ZMIZ1: variants seen among roughly 807,000 people sequenced by gnomAD.
ZMIZ1 encodes zinc finger MIZ domain-containing protein 1.
Under a neutral mutation model 113.9 loss-of-function variants are expected in ZMIZ1, and 17 were observed. That is an observed-to-expected ratio of 0.15 (90% CI 0.10 to 0.22). The LOEUF (loss-of-function observed/expected upper bound fraction) is 0.22, where lower values mean the gene tolerates loss of function less well. Ranked by LOEUF, ZMIZ1 falls within the 10% of genes least tolerant of loss-of-function variation. The pLI is 1.00. For missense variants in ZMIZ1, 1,059 were observed against 1,477.8 expected (o/e 0.72, Z 4.65); for synonymous variants, 607 against 603.1 (o/e 1.01, Z -0.09).
At chr10:79,251,279 C>T (rs1331255241) in intron 7 of ZMIZ1, among the ~76,000 whole-genome samples, 3 of 152,156 alleles carry the variant, frequency 2.0e-5, no homozygotes, top group Non-Finnish European at 4.4e-5. Context: ...ATCTGTAGAA[C>T]CGGAGACTAG....
rs1589595133 is a variant in ZMIZ1, at chr10:79,298,465, A to C, written c.1551A>C (p.Thr517=). Residue 517 remains threonine (T), a synonymous_variant, in exon 15 of 25, where the codon ACA becomes ACC. Coordinates refer to ENST00000334512, the MANE Select transcript of ZMIZ1 (RefSeq NM_020338.4). ...ACTCACCTGTTCCAGGGAACCCCAC[A>C]CCCCCCATGACCCCTGGGAGCAGCA... ...YPHSPVPGNP[T]PPMTPGSSIP... 1 of 1,602,442 alleles carries C rather than the reference A, an allele frequency of 6.2e-7. No individual in the cohort carries two copies.
chr10:79,129,873 G>A (rs1349920536), intron 2 of ZMIZ1, among the ~76,000 whole-genome samples: 1 of 152,258 alleles, frequency 6.6e-6, no homozygotes, highest in Non-Finnish European at 1.5e-5. Flanking sequence ...TCAGCAGGGG[G>A]ACAGAGCGGA....
At chr10:79,294,946 G>GA (rs1413492197) in intron 12 of ZMIZ1, 2 of 146,746 alleles carry the variant, frequency 1.4e-5, no homozygotes, top group Admixed American at 1.4e-4. Flanking sequence ...AGAGAGAGGG[G>GA]GGGGGGTCAG....
chr10:79,099,462 GC>G (rs1257627648), intron 1 of ZMIZ1, among the ~76,000 whole-genome samples: 1 of 152,190 alleles, frequency 6.6e-6, no homozygotes, highest in Non-Finnish European at 1.5e-5. Context: ...GGGTTGCAAG[GC>G]CCCCCAGGGC....
At position 79,161,222 on chromosome 10, in the gene ZMIZ1, G is replaced by A. The variant is rs926101756; in HGVS notation, c.-130-831G>A. On this transcript the variant is annotated intron_variant, in intron 3 of 24. Coordinates refer to ENST00000334512, the MANE Select transcript of ZMIZ1 (RefSeq NM_020338.4). ...TCTCTGGTCTGGACCCTGGAGCAGC[G>A]TCCCCACTGCTCTTCTGCCTCCTCC... is the stretch of plus-strand genomic sequence containing the variant. Among the ~76,000 whole-genome samples the A allele has an allele frequency of 5.9e-5, 9 of 152,150 alleles. No individual in the cohort carries two copies. In the South Asian group the frequency reaches 1.0e-3, roughly 18 times the overall value.
intron 4 of ZMIZ1, among the ~76,000 whole-genome samples, chr10:79,169,959 G>A (rs1846532127): frequency 6.6e-6 from 1 of 152,210 alleles, no homozygotes; most frequent in African/African-American, 2.4e-5. Context: ...AGAGACAATG[G>A]ACCCCCAGGT....
At chr10:79,142,130 C>T (rs1481588556) in intron 3 of ZMIZ1, among the ~76,000 whole-genome samples, 1 of 152,126 alleles carries the variant, frequency 6.6e-6, no homozygotes, top group Non-Finnish European at 1.5e-5. Context: ...ATTTGCTCAG[C>T]CAGGGACAAT....
At chr10:79,114,463 A>ATG (rs1167686090) in intron 1 of ZMIZ1, among the ~76,000 whole-genome samples, 11 of 104,110 alleles carry the variant, frequency 1.1e-4, no homozygotes, top group Middle Eastern at 5.0e-3. Flanking sequence ...CTGGGTGTGT[A>ATG]TGTGTGTGTG....
intron 7 of ZMIZ1, among the ~76,000 whole-genome samples, chr10:79,221,428 G>A (rs781057476): frequency 2.6e-5 from 4 of 152,174 alleles, no homozygotes; most frequent in African/African-American, 4.8e-5. Context: ...GCGCACGTGC[G>A]CGGGCGGGAT....
chr10:79,175,597 T>C lies in ZMIZ1; in HGVS notation c.-50+13464T>C, dbSNP rs968524777. ...TGTGCACTCTGCGTGTGTGTGTGTGTGTGTGTGTGTGTGTGTGTGTGTGTG... is the reference window on the plus strand; with the variant it reads ...TGTGCACTCTGCGTGTGTGTGTGTGCGTGTGTGTGTGTGTGTGTGTGTGTG... On this transcript the variant is annotated intron_variant, in intron 4 of 24. Transcript: ENST00000334512. Among the ~76,000 whole-genome samples, 118 of 114,694 alleles carry C rather than the reference T, an allele frequency of 1.0e-3. 1 individual carries two copies. The East Asian group carries it at 0.04, about 39-fold the overall frequency. The allele number at this position is 114,694 out of a possible 152,430, so 75.2% of individuals were successfully genotyped here.
intron 7 of ZMIZ1, among the ~76,000 whole-genome samples, chr10:79,266,456 T>G (rs937816006): frequency 4.6e-5 from 7 of 152,118 alleles, no homozygotes; most frequent in African/African-American, 1.7e-4. Context: ...CTTGGGAGGT[T>G]TGAATGAAGT....
intron 12 of ZMIZ1, chr10:79,295,979 A>T (rs1853865320): frequency 6.2e-6 from 1 of 161,778 alleles, no homozygotes; most frequent in Admixed American, 6.0e-5. Context: ...ACTGAACACT[A>T]GGTGTGTGTT....
intron 7 of ZMIZ1, among the ~76,000 whole-genome samples, chr10:79,237,872 G>A (rs1324235028): frequency 6.6e-6 from 1 of 152,204 alleles, no homozygotes; most frequent in African/African-American, 2.4e-5. Flanking sequence ...GGAGGAGGTC[G>A]AGGCTCTGAA....
At chr10:79,093,185 G>A (rs1843046115) in intron 1 of ZMIZ1, among the ~76,000 whole-genome samples, 1 of 145,618 alleles carries the variant, frequency 6.9e-6, no homozygotes, top group Non-Finnish European at 1.5e-5. Context: ...CATATTCAGG[G>A]GATGCTTTAG....
intron 7 of ZMIZ1, among the ~76,000 whole-genome samples, chr10:79,260,238 G>A (rs560700805): frequency 6.0e-4 from 92 of 152,352 alleles, no homozygotes; most frequent in African/African-American, 2.1e-3. Flanking sequence ...ATGTGCTGGC[G>A]AATGTAGCAC....
At chr10:79,130,804 G>T (rs954504800) in intron 2 of ZMIZ1, among the ~76,000 whole-genome samples, 3 of 152,178 alleles carry the variant, frequency 2.0e-5, no homozygotes. Context: ...CTTATGAAGT[G>T]TTTGCAGGGT....
chr10:79,159,238 A>G (rs993689858), intron 3 of ZMIZ1, among the ~76,000 whole-genome samples: 1 of 152,078 alleles, frequency 6.6e-6, no homozygotes, highest in African/African-American at 2.4e-5. Flanking sequence ...CTGGGAGCAA[A>G]CGGGGCTACA....
At chr10:79,101,012 C>T (rs1843347245) in intron 1 of ZMIZ1, among the ~76,000 whole-genome samples, 1 of 152,142 alleles carries the variant, frequency 6.6e-6, no homozygotes, top group African/African-American at 2.4e-5. Flanking sequence ...CCCTAGAGAA[C>T]AGGAGCCTTT....
chr10:79,293,964 A>T (rs1258368595), intron 12 of ZMIZ1: 26 of 474,142 alleles, frequency 5.5e-5, no homozygotes, highest in Non-Finnish European at 8.9e-5. Flanking sequence ...TACTGTAGTG[A>T]CTCTTGTCTT....
Sources: allele counts gnomAD v4.1 joint callset (sites outside exome capture counted in the v4.1 genomes callset), GRCh38; gene constraint gnomAD v4.1.1; transcripts MANE v1.5; gene names NCBI Gene and HGNC (gene_info 2026-07-23, HGNC 2026-07-21).